DPH6: variants seen among roughly 807,000 people sequenced by gnomAD.
The protein encoded by DPH6 is diphthine--ammonia ligase.
DPH6 carries 33 observed loss-of-function variants against 38.2 expected under a neutral mutation model. That is an observed-to-expected ratio of 0.86 (90% CI 0.65 to 1.15). DPH6 has a LOEUF of 1.15. Among genes scored for constraint, DPH6 ranks in the 50% most tolerant of loss-of-function variants. The pLI is 0.00. For synonymous variants in DPH6, 108 were observed against 103.0 expected (o/e 1.05, Z -0.30); for missense variants, 325 against 320.0 (o/e 1.02, Z -0.12).
intron 3 of DPH6, chr15:35,298,775 T>C: frequency 1.5e-6 from 2 of 1,311,420 alleles, no homozygotes; most frequent in Non-Finnish European, 2.2e-6. Context: ...GGAGTTGCGC[T>C]GGGCCGGGTT....
rs370800281 is a variant in DPH6 at position 35,450,705 on chromosome 15, A to T, written c.485T>A (p.Ile162Asn). Residue 162 changes from isoleucine to asparagine, a missense_variant, in exon 5 of 9, where the codon ATC (isoleucine) becomes AAC (asparagine). Physicochemically the swap from Ile to Asn is moderately radical, Grantham distance 149 (BLOSUM62 -3). Coordinates refer to ENST00000256538, the MANE Select transcript of DPH6 (RefSeq NM_080650.4). ...CATACCCAAAGCTGCTACTTTGATG[A>T]TCATTGCTTGAATGTTAGATGATAT... is the stretch of plus-strand genomic sequence containing the variant. ...EMISSNIQAM[I>N]IKVAALGLDP... is the part of the protein sequence containing the mutation. The T allele has an allele frequency of 5.0e-6, 8 of 1,612,912 alleles. No individual in the cohort carries two copies. The highest frequency in any genetic ancestry group is 5.9e-6 in the Non-Finnish European group (7 of 1,179,566).
chr15:35,326,162 T>C (rs1261366519), downstream of DPH6, among the ~76,000 whole-genome samples: 2 of 152,212 alleles, frequency 1.3e-5, no homozygotes, highest in East Asian at 3.8e-4. Flanking sequence ...TGTGTAAACT[T>C]ACTGTCTACC....
chr15:35,289,074 T>C (rs2051962337), intron 3 of DPH6, among the ~76,000 whole-genome samples: 1 of 152,206 alleles, frequency 6.6e-6, no homozygotes, highest in Admixed American at 6.5e-5. Flanking sequence ...TTATTTTAAA[T>C]GAAGATTAAA....
intron 3 of DPH6, among the ~76,000 whole-genome samples, chr15:35,354,963 G>A (rs561576475): frequency 1.3e-5 from 2 of 152,090 alleles, no homozygotes; most frequent in Admixed American, 1.3e-4. Context: ...ATGAATCTGG[G>A]TGCTCCTGTA....
rs775731599 is a variant in DPH6 at position 35,522,176 on chromosome 15, G to T, written c.312+16098C>A. 3 of 1,613,234 alleles carry T rather than the reference G, an allele frequency of 1.9e-6. No individual in the cohort carries two copies. In the Admixed American group the frequency reaches 5.0e-5, roughly 27 times the overall value. ...TTGCTGTGAGTGCACAGTTCATTTGGAGTCCTGTAAACAATCGCCTGGCTG... is the reference window on the plus strand; with the variant it reads ...TTGCTGTGAGTGCACAGTTCATTTGTAGTCCTGTAAACAATCGCCTGGCTG... On this transcript the variant is annotated intron_variant, in intron 3 of 8. Coordinates refer to ENST00000256538, the MANE Select transcript of DPH6 (RefSeq NM_080650.4).
chr15:35,422,466 G>A (rs1566903991), intron 5 of DPH6, among the ~76,000 whole-genome samples: 1 of 151,842 alleles, frequency 6.6e-6, no homozygotes, highest in African/African-American at 2.4e-5. Flanking sequence ...CATATTTAAG[G>A]TGTATAACTT....
intron 3 of DPH6, among the ~76,000 whole-genome samples, chr15:35,342,613 T>G (rs970946573): frequency 2.0e-5 from 3 of 152,242 alleles, no homozygotes; most frequent in African/African-American, 7.2e-5. Flanking sequence ...TAATTGGCCA[T>G]GTTGGCCCCT....
At chr15:35,344,519 G>A (rs1453824857) in intron 3 of DPH6, among the ~76,000 whole-genome samples, 4 of 151,718 alleles carry the variant, frequency 2.6e-5, no homozygotes, top group African/African-American at 9.7e-5. Flanking sequence ...TTAAAAGGAT[G>A]TTACAAAAAA....
At chr15:35,188,062 C>T in the DPH6 span, among the ~76,000 whole-genome samples, 17 of 152,172 alleles carry the variant, frequency 1.1e-4, no homozygotes, top group East Asian at 9.6e-4. Context: ...AGGGCATCCC[C>T]CCTGCACTAG....
intron 3 of DPH6, among the ~76,000 whole-genome samples, chr15:35,320,327 AGAT>A (rs2052228799): frequency 6.6e-6 from 1 of 152,178 alleles, no homozygotes; most frequent in Non-Finnish European, 1.5e-5. Flanking sequence ...CCAAGGGTGT[AGAT>A]GATTACATGG....
At chr15:35,301,197 C>G (rs1264945541) in intron 3 of DPH6, among the ~76,000 whole-genome samples, 1 of 152,112 alleles carries the variant, frequency 6.6e-6, no homozygotes, top group Non-Finnish European at 1.5e-5. Context: ...TTTACTTGAT[C>G]ACATATTTTA....
the DPH6 span, among the ~76,000 whole-genome samples, chr15:35,180,016 G>A: frequency 2.6e-5 from 4 of 152,020 alleles, no homozygotes; most frequent in Middle Eastern, 6.8e-3. Flanking sequence ...TTGCATTCAG[G>A]GGCAAAAAGC....
chr15:35,299,115 ACTTT>A, intron 3 of DPH6: 1 of 912,634 alleles, frequency 1.1e-6, no homozygotes, highest in South Asian at 1.5e-5. Flanking sequence ...GCGTTTCACT[ACTTT>A]CTTACAATCG....
In DPH6 at chr15:35,381,934, C is replaced by T. The variant is rs779636291; in HGVS notation, c.568-18G>A. ...TTAGAAAGCTGAAAATAGGAAAACACAAAAAACAAGAAAGAAGTTTAAAAT... is the reference window on the plus strand; with the variant it reads ...TTAGAAAGCTGAAAATAGGAAAACATAAAAAACAAGAAAGAAGTTTAAAAT... On this transcript the variant is annotated intron_variant, in intron 6 of 8. Coordinates refer to ENST00000256538, the MANE Select transcript of DPH6 (RefSeq NM_080650.4). 3 of 1,577,720 alleles carry T rather than the reference C, an allele frequency of 1.9e-6. No individual in the cohort carries two copies. Among genetic ancestry groups the T allele is most frequent in the South Asian group, 2.3e-5 (2 of 88,272 alleles).
At chr15:35,373,422 C>A in intron 8 of DPH6, 99 bp downstream of exon 8, 1 of 1,019,614 alleles carries the variant, frequency 9.8e-7, no homozygotes. Context: ...AATCAATTTT[C>A]TTTTTCCTGT....
chr15:35,447,107 G>T (rs944391173), intron 5 of DPH6, among the ~76,000 whole-genome samples: 1 of 152,204 alleles, frequency 6.6e-6, no homozygotes, highest in Admixed American at 6.5e-5. Context: ...CTGACCTCGT[G>T]ATCCGCCCGC....
At chr15:35,486,339 G>A (rs572123772) in intron 3 of DPH6, among the ~76,000 whole-genome samples, 38 of 151,862 alleles carry the variant, frequency 2.5e-4, no homozygotes, top group Admixed American at 2.0e-3. Flanking sequence ...TTTGGGTGGC[G>A]ACACAGCCAA....
intron 3 of DPH6, among the ~76,000 whole-genome samples, chr15:35,297,601 C>T (rs1358227195): frequency 6.6e-6 from 1 of 151,966 alleles, no homozygotes; most frequent in East Asian, 1.9e-4. Context: ...TGATCTCTCT[C>T]CTCTTCACTT....
chr15:35,285,872 G>GTTTTTTTTTGTTTTTTTTTTTTTT (rs2051938608), intron 3 of DPH6, among the ~76,000 whole-genome samples: 1 of 52,794 alleles, frequency 1.9e-5, no homozygotes, highest in African/African-American at 7.5e-5. Flanking sequence ...TTATCTTTGA[G>GTTTTTTTTTGTTTTTTTTTTTTTT]TTTTTTTTTT....
Sources: allele counts gnomAD v4.1 joint callset (sites outside exome capture counted in the v4.1 genomes callset), GRCh38; gene constraint gnomAD v4.1.1; transcripts MANE v1.5; gene names NCBI Gene and HGNC (gene_info 2026-07-23, HGNC 2026-07-21).